The following FBXL17 variants were observed in gnomAD, a reference collection of about 807,000 sequenced individuals.
FBXL17 encodes the protein F-box and leucine rich repeat protein 17.
A neutral mutation model predicts 66.2 loss-of-function variants in FBXL17; 22 were observed. That is an observed-to-expected ratio of 0.33 (90% confidence interval 0.24 to 0.47). FBXL17 has a LOEUF of 0.47. FBXL17 is among the 20% of genes least tolerant of loss of function. The pLI, the probability that FBXL17 is intolerant of heterozygous loss-of-function variation, is 1.00. For synonymous variants in FBXL17, 474 were observed against 400.5 expected, an observed-to-expected ratio of 1.18 and a Z score of -2.19; for missense variants, 878 against 948.2, an observed-to-expected ratio of 0.93 and a Z score of 0.97.
intron 4 of FBXL17, among the ~76,000 whole-genome samples, chr5:108,248,450 C>A (rs1164337538): frequency 6.6e-6 from 1 of 152,164 alleles, no homozygotes; most frequent in Admixed American, 6.6e-5. Context: ...TAACCTTAGA[C>A]ACCTACGTGA....
At chr5:108,365,687 G>C (rs1748616405) in intron 2 of FBXL17, among the ~76,000 whole-genome samples, 1 of 152,084 alleles carries the variant, frequency 6.6e-6, no homozygotes, top group South Asian at 2.1e-4. Context: ...GGTGGCTTCT[G>C]GGACTTGCAA....
intron 5 of FBXL17, among the ~76,000 whole-genome samples, chr5:108,189,574 T>A (rs559497810): frequency 6.6e-6 from 1 of 152,246 alleles, no homozygotes; most frequent in African/African-American, 2.4e-5. Flanking sequence ...CTATGCTCTA[T>A]CATAATCCCT....
chr5:107,907,426 T>C (rs1357960322), intron 7 of FBXL17, among the ~76,000 whole-genome samples: 4 of 152,054 alleles, frequency 2.6e-5, no homozygotes, highest in Non-Finnish European at 5.9e-5. Flanking sequence ...AGTGCCTGGC[T>C]CAGCGCAGCT....
chr5:108,270,693 A>G (rs1757232712), intron 4 of FBXL17, among the ~76,000 whole-genome samples: 1 of 152,046 alleles, frequency 6.6e-6, no homozygotes, highest in Admixed American at 6.6e-5. Flanking sequence ...AACAGTTTTA[A>G]ATTATTATGT....
At chr5:107,918,442 G>C (rs1750205271) in intron 7 of FBXL17, among the ~76,000 whole-genome samples, 1 of 152,046 alleles carries the variant, frequency 6.6e-6, no homozygotes, top group Non-Finnish European at 1.5e-5. Flanking sequence ...GAATAATTTG[G>C]GTACTATCCA....
intron 4 of FBXL17, among the ~76,000 whole-genome samples, chr5:108,281,403 C>T (rs1315049971): frequency 6.6e-6 from 1 of 151,766 alleles, no homozygotes; most frequent in Non-Finnish European, 1.5e-5. Flanking sequence ...TTTACAAATA[C>T]ATGGAAATTA....
chr5:108,161,169 CAT>C (rs1561440638), intron 6 of FBXL17, among the ~76,000 whole-genome samples: 3 of 149,944 alleles, frequency 2.0e-5, no homozygotes, highest in Non-Finnish European at 4.4e-5. Flanking sequence ...TAGATACATA[CAT>C]ACATACATAC....
intron 8 of FBXL17, chr5:107,879,440 G>A (rs1366049957): frequency 3.0e-6 from 3 of 985,434 alleles, no homozygotes; most frequent in Non-Finnish European, 3.6e-6. Context: ...AAGATTTGTG[G>A]GAGACTCGCA....
At position 108,023,813 on chromosome 5, in the gene FBXL17, G is replaced by A. The variant is rs114554515; in HGVS notation, c.1746-2812C>T. On this transcript the variant is annotated intron_variant, in intron 6 of 8. Coordinates refer to ENST00000542267, the MANE Select transcript of FBXL17 (RefSeq NM_001163315.3). Reference sequence around the variant, plus strand: ...TTAGTATGGACTACAGGTACAGCAAGTTAAGAGGCATTTATAAACTGATAC... The same window carrying A: ...TTAGTATGGACTACAGGTACAGCAAATTAAGAGGCATTTATAAACTGATAC... Among the ~76,000 whole-genome samples the A allele has an allele frequency of 6.5e-3, 997 of 152,266 alleles. 5 individuals are homozygous for A. Among genetic ancestry groups the A allele is most frequent in the Middle Eastern group, 0.017 (5 of 294 alleles).
intron 4 of FBXL17, among the ~76,000 whole-genome samples, chr5:108,239,116 C>T (rs75981207): frequency 0.12 from 18,357 of 151,922 alleles, 1,348 homozygotes; most frequent in Admixed American, 0.16. Flanking sequence ...AGTACAGTAG[C>T]GCGATCATAC....
chr5:108,158,314 G>C (rs1307031220), intron 6 of FBXL17, among the ~76,000 whole-genome samples: 1 of 151,976 alleles, frequency 6.6e-6, no homozygotes, highest in Non-Finnish European at 1.5e-5. Context: ...ATTCACAATA[G>C]CCAAAAACTT....
chr5:108,370,746 A>G (rs1429130391), intron 1 of FBXL17, among the ~76,000 whole-genome samples: 3 of 142,434 alleles, frequency 2.1e-5, no homozygotes, highest in Non-Finnish European at 4.7e-5. Flanking sequence ...CCTTCTCGGA[A>G]AAAAAAAAAA....
At chr5:108,205,795 T>C (rs923037952) in intron 5 of FBXL17, among the ~76,000 whole-genome samples, 4 of 152,216 alleles carry the variant, frequency 2.6e-5, no homozygotes, top group African/African-American at 9.6e-5. Context: ...AGTGGCATGA[T>C]CTCAGCTCAC....
At position 108,171,358 on chromosome 5, in the gene FBXL17, G is replaced by A. The variant is rs539740184; in HGVS notation, c.1745+14759C>T. 2.6e-4 allele frequency among the ~76,000 whole-genome samples: 39 copies of A among 152,278 alleles called. 1 individual carries two copies. The South Asian group carries it at 8.1e-3, about 32-fold the overall frequency. On this transcript the variant is annotated intron_variant, in intron 6 of 8. Transcript: ENST00000542267. ...ACAGCTAGGATATTGTGGGGGCTTT[G>A]AGGTCAGACAGATCTACATTCAATC...
chr5:108,125,301 T>C (rs1750655481), intron 6 of FBXL17, among the ~76,000 whole-genome samples: 1 of 152,018 alleles, frequency 6.6e-6, no homozygotes. Flanking sequence ...TATGTACCTG[T>C]AAAAATTAAA....
intron 6 of FBXL17, among the ~76,000 whole-genome samples, chr5:108,132,210 A>T (rs1750963845): frequency 6.6e-6 from 1 of 152,182 alleles, no homozygotes; most frequent in East Asian, 1.9e-4. Flanking sequence ...TCCCGACCTC[A>T]GGTAATCCGC....
chr5:108,359,209 A>G (rs1310839038), intron 3 of FBXL17, among the ~76,000 whole-genome samples: 3 of 151,986 alleles, frequency 2.0e-5, no homozygotes, highest in Non-Finnish European at 4.4e-5. Flanking sequence ...TTCTTAGTCA[A>G]TCTAGTTAAA....
At chr5:108,101,467 G>C (rs1480118512) in intron 6 of FBXL17, among the ~76,000 whole-genome samples, 1 of 152,194 alleles carries the variant, frequency 6.6e-6, no homozygotes, top group East Asian at 1.9e-4. Flanking sequence ...CCCAATCAAA[G>C]GAGGTCAAGG....
intron 4 of FBXL17, among the ~76,000 whole-genome samples, chr5:108,344,283 C>T (rs931781349): frequency 5.9e-5 from 9 of 152,066 alleles, no homozygotes; most frequent in Non-Finnish European, 1.3e-4. Flanking sequence ...AGTCAAAGGA[C>T]TCTAAGAGAA....
Sources: allele counts gnomAD v4.1 joint callset (sites outside exome capture counted in the v4.1 genomes callset), GRCh38; gene constraint gnomAD v4.1.1; transcripts MANE v1.5; gene names NCBI Gene and HGNC (gene_info 2026-07-23, HGNC 2026-07-21).